The following DLGAP3 variants were observed in gnomAD, a reference collection of about 807,000 sequenced individuals.
DLGAP3 encodes disks large-associated protein 3.
A neutral mutation model predicts 81.2 loss-of-function variants in DLGAP3; 17 were observed. The ratio of observed to expected loss-of-function variants is 0.21; its 90% CI spans 0.14 to 0.31. The LOEUF (loss-of-function observed/expected upper bound fraction) is 0.31. DLGAP3 is among the 10% of genes least tolerant of loss of function. DLGAP3 has a pLI of 1.00. For missense variants in DLGAP3, 1,124 were observed against 1,388.0 expected (o/e 0.81, Z 3.02); for synonymous variants, 577 against 587.4 (o/e 0.98, Z 0.26).
rs1047367090 is a variant in DLGAP3, at chr1:34,873,307, G to C, written c.2001-4218C>G. On this transcript the variant is annotated intron_variant, in intron 8 of 11. Coordinates refer to ENST00000373347, the MANE Select transcript of DLGAP3 (RefSeq NM_001080418.3). This position sits in a 1 kb window ranked among gnomAD's most constrained non-coding sequence, Gnocchi z 4.2. ...ATCACAATGAAGTGGGCGATGGGGG[G>C]TGGTTATCTGCTGGAGATGTCTGGG... Among the ~76,000 whole-genome samples, 1 of 152,218 alleles carries C rather than the reference G, an allele frequency of 6.6e-6. No homozygotes were observed. The highest frequency in any genetic ancestry group is 2.4e-5 in the African/African-American group (1 of 41,460).
At chr1:34,899,923 C>A (rs1639429593) in intron 4 of DLGAP3, 145 bp downstream of exon 4, 7 of 888,262 alleles carry the variant, frequency 7.9e-6, no homozygotes, top group South Asian at 1.5e-5. Flanking sequence ...CCCACCAAGA[C>A]CCTCCCTTTA....
chr1:34,910,602 G>C (rs1050110480), intron 1 of DLGAP3, among the ~76,000 whole-genome samples: 1 of 152,074 alleles, frequency 6.6e-6, no homozygotes, highest in Non-Finnish European at 1.5e-5. Flanking sequence ...CTCACATCAC[G>C]GGGCCTATTC....
chr1:34,882,444 C>T (rs905115647), intron 8 of DLGAP3, among the ~76,000 whole-genome samples: 1 of 152,152 alleles, frequency 6.6e-6, no homozygotes, highest in African/African-American at 2.4e-5. Context: ...TGCCACTGCA[C>T]TCCAGCCTGG....
chr1:34,882,643 C>T (rs1330585188), intron 8 of DLGAP3, among the ~76,000 whole-genome samples: 1 of 152,196 alleles, frequency 6.6e-6, no homozygotes, highest in African/African-American at 2.4e-5. Flanking sequence ...ATCCTCCTAA[C>T]TAGCCTTCTC....
chr1:34,912,085 G>A (rs529658332), intron 1 of DLGAP3, among the ~76,000 whole-genome samples: 1 of 152,210 alleles, frequency 6.6e-6, no homozygotes, highest in African/African-American at 2.4e-5. Flanking sequence ...TGTAAAATGG[G>A]GATAATATTA....
rs1455038582 is a variant in DLGAP3, at chr1:34,868,448, G to A, written c.2485+157C>T. Among the ~76,000 whole-genome samples, 1 of 152,100 alleles carries A rather than the reference G, an allele frequency of 6.6e-6. No homozygotes were observed. The highest frequency in any genetic ancestry group is 1.5e-5 in the Non-Finnish European group (1 of 68,004). ...AGAGCTCCCAGCATGTCTTGCTGCC[G>A]ATGTTGACCCGCCACGCTCCAGTGC... On this transcript the variant is annotated intron_variant, in intron 9 of 11. Coordinates refer to ENST00000373347, the MANE Select transcript of DLGAP3 (RefSeq NM_001080418.3). This position sits in a 1 kb window ranked among gnomAD's most constrained non-coding sequence, Gnocchi z 7.5.
rs1639474998 is a variant in DLGAP3, at chr1:34,902,436, G to C, written c.1107+1841C>G. On this transcript the variant is annotated intron_variant, in intron 3 of 11. Transcript: ENST00000373347. The surrounding 1 kb of genome is among the most constrained non-coding windows in gnomAD (Gnocchi z 4.4). The stretch of plus-strand genomic sequence containing the variant: ...AGTGGACAGAGGGATCCTGGAAAAG[G>C]CTTAAGAGAAAGCTGGTACCCAGTG... Among the ~76,000 whole-genome samples, 2 of 152,126 alleles carry C rather than the reference G, an allele frequency of 1.3e-5. No homozygotes were observed. Among genetic ancestry groups the C allele is most frequent in the South Asian group, 4.1e-4 (2 of 4,824 alleles).
chr1:34,889,300 G>A lies in DLGAP3; in HGVS notation c.1387-3015C>T, dbSNP rs115474187. Among the ~76,000 whole-genome samples, 905 of 152,342 alleles carry A rather than the reference G, an allele frequency of 5.9e-3. 16 individuals carry two copies. The highest frequency in any genetic ancestry group is 0.021 in the African/African-American group (860 of 41,580). ...CCGCCAGCTCAGCTGGCCAAGAGGAGCTTCTGGGGTTCCAACAGGAGACCA... is the reference window on the plus strand; with the variant it reads ...CCGCCAGCTCAGCTGGCCAAGAGGAACTTCTGGGGTTCCAACAGGAGACCA... On this transcript the variant is annotated intron_variant, in intron 5 of 11. Coordinates refer to ENST00000373347, the MANE Select transcript of DLGAP3 (RefSeq NM_001080418.3).
In DLGAP3 at chr1:34,905,131, C is replaced by A. The variant is rs768650973; in HGVS notation, c.253G>T (p.Gly85Cys). The change falls in exon 3 of 12, where the codon GGT (glycine) becomes TGT (cysteine). Residue 85 changes from glycine to cysteine, a missense_variant. By Grantham distance (159) the Gly-to-Cys change is radical. Transcript: ENST00000373347. Reference sequence around the variant, plus strand: ...TACATCCTGGGGAAGGTGCTGCTACCCCCCCCAACCCCGGCCCCCGCTGGC... The same window carrying A: ...TACATCCTGGGGAAGGTGCTGCTACACCCCCCAACCCCGGCCCCCGCTGGC... ...GGPAGAGVGG[G>C]SSTFPRMYPG... 23 of 1,571,082 alleles carry A rather than the reference C, an allele frequency of 1.5e-5. 1 individual carries two copies. In the South Asian group the frequency reaches 1.7e-4, roughly 12 times the overall value.
chr1:34,919,101 A>G (rs1411027580), intron 1 of DLGAP3, among the ~76,000 whole-genome samples: 3 of 152,000 alleles, frequency 2.0e-5, no homozygotes, highest in African/African-American at 7.2e-5. Context: ...CCCAGGTGGG[A>G]GGGGAGCGGC....
At chr1:34,927,069 C>T (rs1450678301) in intron 1 of DLGAP3, among the ~76,000 whole-genome samples, 1 of 152,058 alleles carries the variant, frequency 6.6e-6, no homozygotes, top group East Asian at 1.9e-4. Context: ...CAGCCCCTCA[C>T]CAGCAGGAAT....
chr1:34,917,336 A>ATCCTTTT (rs1639733460), intron 1 of DLGAP3, among the ~76,000 whole-genome samples: 1 of 144,606 alleles, frequency 6.9e-6, no homozygotes, highest in South Asian at 2.2e-4. Flanking sequence ...CATCCGATAG[A>ATCCTTTT]TCCTTTTTCC....
chr1:34,922,617 T>C (rs1639812995), intron 1 of DLGAP3, among the ~76,000 whole-genome samples: 1 of 152,192 alleles, frequency 6.6e-6, no homozygotes, highest in Non-Finnish European at 1.5e-5. Flanking sequence ...TAGAGTCATA[T>C]ATATATACAC....
chr1:34,872,152 G>T (rs776477177), intron 8 of DLGAP3, among the ~76,000 whole-genome samples: 5 of 152,210 alleles, frequency 3.3e-5, no homozygotes, highest in Non-Finnish European at 5.9e-5. Context: ...AGCCAGAAAG[G>T]AAGGGGGAGA....
Position 34,867,716 on chromosome 1 carries a change from C to T in DLGAP3, c.2486-89G>A, listed in dbSNP as rs766011945. The T allele has an allele frequency of 8.2e-6, 9 of 1,097,642 alleles. No individual in the cohort carries two copies. Among genetic ancestry groups the T allele is most frequent in the East Asian group, 4.7e-5 (2 of 42,448 alleles). 68.0% of individuals were successfully genotyped at this position (1,097,642 alleles called of 1,614,324 possible). On this transcript the variant is annotated intron_variant, in intron 9 of 11. Transcript: ENST00000373347. This position sits in a 1 kb window ranked among gnomAD's most constrained non-coding sequence, Gnocchi z 4.3. ...TCTGCCCTGAATGACGCTGACCCCT[C>T]GGTTGCTTGGCACTGTGTATCCATC...
intron 1 of DLGAP3, among the ~76,000 whole-genome samples, chr1:34,911,822 A>T (rs1373133655): frequency 6.6e-6 from 1 of 152,194 alleles, no homozygotes; most frequent in Non-Finnish European, 1.5e-5. Context: ...CCAAGCAATT[A>T]CCTTCCAGAA....
chr1:34,906,658 A>G (rs537978048), intron 2 of DLGAP3, among the ~76,000 whole-genome samples: 183 of 152,014 alleles, frequency 1.2e-3, no homozygotes, highest in African/African-American at 4.0e-3. Flanking sequence ...GAAAATCCAT[A>G]AAGAAGAAGA....
chr1:34,915,267 A>G (rs548484056), intron 1 of DLGAP3, among the ~76,000 whole-genome samples: 18 of 152,202 alleles, frequency 1.2e-4, no homozygotes, highest in Admixed American at 9.8e-4. Flanking sequence ...GAAACTGCAC[A>G]TATGTCTCTA....
chr1:34,905,051 G>A lies in DLGAP3; in HGVS notation c.333C>T (p.Gly111=). 1 of 1,599,804 alleles carries A rather than the reference G, an allele frequency of 6.3e-7. No individual in the cohort carries two copies. The highest frequency in any genetic ancestry group is 1.1e-5 in the South Asian group (1 of 89,202). Residue 111 remains glycine, a synonymous_variant, in exon 3 of 12, where the codon GGC becomes GGT. Coordinates refer to ENST00000373347, the MANE Select transcript of DLGAP3 (RefSeq NM_001080418.3). The part of the protein sequence containing the change: ...TCEDCVGHPQ[G]KGAPRLPPTL... ...TAGGAGGCAGGCGGGGGGCACCCTT[G>A]CCCTGTGGGTGGCCCACACAGTCTT...
Sources: allele counts gnomAD v4.1 joint callset (sites outside exome capture counted in the v4.1 genomes callset), GRCh38; gene constraint gnomAD v4.1.1; non-coding constraint Gnocchi (gnomAD v3.1); transcripts MANE v1.5; gene names NCBI Gene and HGNC (gene_info 2026-07-23, HGNC 2026-07-21).